Variants in BMP6 observed in about 807,000 individuals in gnomAD.
BMP6 encodes the protein bone morphogenetic protein 6, also known as VG-1-R.
BMP6 carries 17 observed loss-of-function variants against 54.1 expected under a neutral mutation model. That is an observed-to-expected ratio of 0.31 (90% CI 0.22 to 0.47). BMP6 has a LOEUF of 0.47. Among genes scored for constraint, BMP6 ranks in the 20% least tolerant of loss-of-function variants. The pLI, the probability that BMP6 is intolerant of heterozygous loss-of-function variation, is 1.00. For missense variants in BMP6, 720 were observed against 690.4 expected (o/e 1.04, Z -0.48); for synonymous variants, 328 against 291.2 (o/e 1.13, Z -1.28).
chr6:7,748,052 G>A (rs1400496970), intron 1 of BMP6, among the ~76,000 whole-genome samples: 1 of 152,154 alleles, frequency 6.6e-6, no homozygotes, highest in African/African-American at 2.4e-5. Context: ...ATTTATACAG[G>A]GCTTTGTTCC....
At chr6:7,857,259 A>G (rs1430566676) in intron 2 of BMP6, among the ~76,000 whole-genome samples, 2 of 152,194 alleles carry the variant, frequency 1.3e-5, no homozygotes, top group African/African-American at 4.8e-5. Flanking sequence ...TTTTCCAGAA[A>G]TATCTTACTA....
intron 1 of BMP6, among the ~76,000 whole-genome samples, chr6:7,728,086 C>A (rs895187488): frequency 6.6e-6 from 1 of 152,124 alleles, no homozygotes; most frequent in African/African-American, 2.4e-5. Context: ...GTTTTCCCAC[C>A]GAGACTTTTA....
In BMP6 at chr6:7,727,448, G is replaced by A. The variant is rs1390806882; in HGVS notation, c.493G>A (p.Ala165Thr). ...GAGGCAGCAGTCCTGGCCCCACGAAGCAGCCAGCTCGTCCCAGCGTCGGCA... is the reference window on the plus strand; with the variant it reads ...GAGGCAGCAGTCCTGGCCCCACGAAACAGCCAGCTCGTCCCAGCGTCGGCA... ...GERQQSWPHEAASSSQRRQPP... is the reference protein window; with the variant it reads ...GERQQSWPHETASSSQRRQPP... Residue 165 changes from alanine to threonine, a missense_variant, in exon 1 of 7, where the codon GCA becomes ACA. By Grantham distance (58) the Ala-to-Thr change is moderately conservative (BLOSUM62 0). This residue lies in a region of BMP6 where 650 missense variants were observed against 556.3 expected (regional missense o/e 1.17). Transcript: ENST00000283147. 1 of 1,601,960 alleles carries A rather than the reference G, an allele frequency of 6.2e-7. No homozygotes were observed. Among genetic ancestry groups the A allele is most frequent in the Non-Finnish European group, 8.5e-7 (1 of 1,176,626 alleles).
intron 1 of BMP6, among the ~76,000 whole-genome samples, chr6:7,775,405 G>C (rs1182348703): frequency 3.9e-5 from 6 of 152,076 alleles, no homozygotes; most frequent in Admixed American, 3.9e-4. Flanking sequence ...CTTTTATTTT[G>C]GAAAGATACA....
At chr6:7,811,026 GC>G (rs951193301) in intron 1 of BMP6, among the ~76,000 whole-genome samples, 2 of 152,112 alleles carry the variant, frequency 1.3e-5, no homozygotes, top group African/African-American at 4.8e-5. Context: ...CCCCCATGTG[GC>G]CCCCAGGGCC....
At chr6:7,834,042 C>T (rs1158800036) in intron 1 of BMP6, among the ~76,000 whole-genome samples, 1 of 152,024 alleles carries the variant, frequency 6.6e-6, no homozygotes, top group Non-Finnish European at 1.5e-5. Context: ...ATGCAAAGAC[C>T]AACACTAGCG....
At chr6:7,826,787 C>T (rs7742651) in intron 1 of BMP6, among the ~76,000 whole-genome samples, 22,037 of 152,098 alleles carry the variant, frequency 0.14, 2,106 homozygotes, top group African/African-American at 0.27. Context: ...CACACAGTCA[C>T]CTCTCATGGG....
At chr6:7,767,211 T>G (rs1278467041) in intron 1 of BMP6, among the ~76,000 whole-genome samples, 1 of 152,148 alleles carries the variant, frequency 6.6e-6, no homozygotes, top group African/African-American at 2.4e-5. Context: ...CCTGACCTCG[T>G]GATCCACCCG....
intron 1 of BMP6, among the ~76,000 whole-genome samples, chr6:7,794,611 A>G (rs1254492838): frequency 6.6e-6 from 1 of 151,490 alleles, no homozygotes; most frequent in Non-Finnish European, 1.5e-5. Flanking sequence ...AAAGAAAAAA[A>G]AAAAAAAAAA....
chr6:7,732,464 T>A, intron 1 of BMP6, among the ~76,000 whole-genome samples: 1 of 152,234 alleles, frequency 6.6e-6, no homozygotes, highest in East Asian at 1.9e-4. Context: ...TGCTGAATCA[T>A]GGTTAGTTCC....
intron 1 of BMP6, among the ~76,000 whole-genome samples, chr6:7,747,374 T>C (rs766853057): frequency 3.3e-5 from 5 of 152,064 alleles, no homozygotes; most frequent in Admixed American, 2.0e-4. Context: ...TCAGAGGGAT[T>C]TGATGGAAGA....
chr6:7,845,433 G>A, intron 2 of BMP6, 101 bp downstream of exon 2: 2 of 1,115,566 alleles, frequency 1.8e-6, no homozygotes, highest in Non-Finnish European at 2.5e-6. Flanking sequence ...GTGACCTGGA[G>A]TTCAGGGGCA....
At chr6:7,853,958 C>T (rs1199820576) in intron 2 of BMP6, among the ~76,000 whole-genome samples, 1 of 151,674 alleles carries the variant, frequency 6.6e-6, no homozygotes, top group Non-Finnish European at 1.5e-5. Context: ...GTTCCTCAGC[C>T]TATGTTCTGT....
rs1759726747 is a variant in BMP6 at position 7,881,397 on chromosome 6, TTAAATAATACATTTA to T, written c.*1058_*1072del. 6.6e-6 allele frequency: 1 copy of T among 152,660 alleles called. No homozygotes were observed. Among genetic ancestry groups the T allele is most frequent in the South Asian group, 2.1e-4 (1 of 4,834 alleles). The allele number at this position is 152,660 out of a possible 1,614,324, so 9.5% of individuals were successfully genotyped here. A position where few individuals can be genotyped will look rare whatever the true frequency, so the allele number is the denominator to read the frequency against. On this transcript the variant is annotated 3_prime_UTR_variant, in exon 7 of 7. Coordinates refer to ENST00000283147, the MANE Select transcript of BMP6 (RefSeq NM_001718.6). ...GGAAGGCAATTTCATACTAAACTGA[TTAAATAATACATTTA>T]TAATCTACAACTGTTTGCACTTACA...
chr6:7,771,693 C>G (rs1300144526), intron 1 of BMP6, among the ~76,000 whole-genome samples: 1 of 151,756 alleles, frequency 6.6e-6, no homozygotes, highest in Non-Finnish European at 1.5e-5. Context: ...GGGTGTTACA[C>G]AGGGTGGTGC....
At chr6:7,749,902 C>T (rs980413367) in intron 1 of BMP6, among the ~76,000 whole-genome samples, 1 of 152,158 alleles carries the variant, frequency 6.6e-6, no homozygotes, top group Non-Finnish European at 1.5e-5. Context: ...AGAAGCATCC[C>T]AGATGGTTTT....
chr6:7,812,512 T>A (rs1004763413), intron 1 of BMP6, among the ~76,000 whole-genome samples: 3 of 152,188 alleles, frequency 2.0e-5, no homozygotes, highest in Non-Finnish European at 4.4e-5. Flanking sequence ...TTCTTACACA[T>A]ACAGTATATG....
At chr6:7,861,199 G>T (rs1486792846) in intron 2 of BMP6, among the ~76,000 whole-genome samples, 1 of 45,186 alleles carries the variant, frequency 2.2e-5, no homozygotes, top group Non-Finnish European at 4.3e-5. Context: ...AGTTGAGAGG[G>T]TCTGCCGTGT....
At chr6:7,808,085 T>TC (rs1457892347) in intron 1 of BMP6, among the ~76,000 whole-genome samples, 4 of 152,014 alleles carry the variant, frequency 2.6e-5, no homozygotes, top group South Asian at 4.2e-4. Context: ...CACACCCGGC[T>TC]AATTTTTTGT....
Sources: allele counts gnomAD v4.1 joint callset (sites outside exome capture counted in the v4.1 genomes callset), GRCh38; gene constraint gnomAD v4.1.1; regional missense constraint gnomAD v4.1.1; transcripts MANE v1.5; gene names NCBI Gene and HGNC (gene_info 2026-07-23, HGNC 2026-07-21).